Variants in UTS2B observed in about 807,000 individuals in gnomAD.
UTS2B encodes urotensin 2B, also known as urotensin-2B.
In UTS2B, 21 loss-of-function variants were observed where a neutral mutation model predicts 19.2. That is an observed-to-expected ratio of 1.09 (90% CI 0.78 to 1.58). The LOEUF is 1.58. UTS2B is among the 40% of genes most tolerant of loss of function. The pLI is 0.00. For missense variants in UTS2B, 138 were observed against 130.3 expected (o/e 1.06, Z -0.29); for synonymous variants, 57 against 50.2 (o/e 1.14, Z -0.58).
intron 4 of UTS2B, among the ~76,000 whole-genome samples, chr3:191,290,017 T>C (rs1201889161): frequency 6.6e-6 from 1 of 152,228 alleles, no homozygotes; most frequent in African/African-American, 2.4e-5. Flanking sequence ...TAACATAATG[T>C]ATACATATTT....
upstream of UTS2B, among the ~76,000 whole-genome samples, chr3:191,332,655 T>C (rs975269324): frequency 6.6e-6 from 1 of 152,256 alleles, no homozygotes; most frequent in Non-Finnish European, 1.5e-5. Flanking sequence ...TGAAAGTTTC[T>C]TGGAGTTCAG....
At chr3:191,309,763 C>A (rs904958133) in intron 3 of UTS2B, among the ~76,000 whole-genome samples, 10 of 152,112 alleles carry the variant, frequency 6.6e-5, no homozygotes, top group Admixed American at 4.6e-4. Flanking sequence ...CTTGCTCTCT[C>A]TTCCTCCTGC....
intron 4 of UTS2B, among the ~76,000 whole-genome samples, chr3:191,289,162 C>CAAA (rs1716637152): frequency 6.6e-6 from 1 of 152,130 alleles, no homozygotes; most frequent in African/African-American, 2.4e-5. Flanking sequence ...GTAATCCCAG[C>CAAA]ACTTTGGGAG....
intron 2 of UTS2B, among the ~76,000 whole-genome samples, chr3:191,319,898 T>C: frequency 6.6e-6 from 1 of 151,402 alleles, no homozygotes; most frequent in South Asian, 2.1e-4. Flanking sequence ...TTTTTTTTTT[T>C]TAAAAACCTT....
chr3:191,284,140 CAT>C (rs1453341961), intron 4 of UTS2B, among the ~76,000 whole-genome samples: 1 of 151,980 alleles, frequency 6.6e-6, no homozygotes, highest in Non-Finnish European at 1.5e-5. Context: ...GTATTAAAGA[CAT>C]ATGCAGCTTT....
chr3:191,298,687 C>A (rs111599898), intron 4 of UTS2B, among the ~76,000 whole-genome samples: 1 of 151,994 alleles, frequency 6.6e-6, no homozygotes, highest in Non-Finnish European at 1.5e-5. Flanking sequence ...TATAAAGATA[C>A]CTGAAAATGT....
the UTS2B span, among the ~76,000 whole-genome samples, chr3:191,339,598 G>A: frequency 2.6e-5 from 4 of 152,162 alleles, no homozygotes; most frequent in East Asian, 1.9e-4. Context: ...TTTAGAACGC[G>A]TTGCAGATGA....
chr3:191,306,970 T>G (rs1560143156), intron 3 of UTS2B, among the ~76,000 whole-genome samples: 1 of 152,192 alleles, frequency 6.6e-6, no homozygotes. Context: ...GCTACAGATT[T>G]TCTCATTAAC....
intron 4 of UTS2B, among the ~76,000 whole-genome samples, chr3:191,299,044 G>A (rs1470156432): frequency 6.6e-6 from 1 of 152,194 alleles, no homozygotes; most frequent in East Asian, 1.9e-4. Context: ...ATGTAGCCAA[G>A]CTGCTTCTAA....
At chr3:191,282,696 T>C (rs1716424814) in intron 4 of UTS2B, among the ~76,000 whole-genome samples, 1 of 152,218 alleles carries the variant, frequency 6.6e-6, no homozygotes, top group South Asian at 2.1e-4. Context: ...GGTGGTAGTC[T>C]TCCTGATAGT....
At chr3:191,338,232 T>A in the UTS2B span, among the ~76,000 whole-genome samples, 1 of 152,240 alleles carries the variant, frequency 6.6e-6, no homozygotes, top group African/African-American at 2.4e-5. Flanking sequence ...AGTATTATAT[T>A]CACTAATTTT....
chr3:191,318,630 C>T (rs1023530240), intron 2 of UTS2B, among the ~76,000 whole-genome samples: 5 of 152,058 alleles, frequency 3.3e-5, no homozygotes, highest in Admixed American at 1.3e-4. Flanking sequence ...CCACCATGTC[C>T]GGCTAATTTT....
At chr3:191,290,553 T>C (rs112256336) in intron 4 of UTS2B, among the ~76,000 whole-genome samples, 1 of 152,328 alleles carries the variant, frequency 6.6e-6, no homozygotes, top group Admixed American at 6.5e-5. Context: ...TTAACCCACA[T>C]GATCTCTTGC....
the UTS2B span, among the ~76,000 whole-genome samples, chr3:191,335,610 G>A: frequency 2.6e-4 from 40 of 151,986 alleles, no homozygotes; most frequent in African/African-American, 9.2e-4. Context: ...TCATCATTTC[G>A]TTAAAAAAGC....
intron 1 of UTS2B, chr3:191,329,739 G>A (rs1363091586): frequency 1.9e-6 from 3 of 1,607,336 alleles, no homozygotes; most frequent in South Asian, 1.1e-5. Flanking sequence ...GGCCCCGGAG[G>A]GAGAGCGCGC....
chr3:191,269,573 C>T (rs1288053592), intron 8 of UTS2B, among the ~76,000 whole-genome samples: 1 of 151,058 alleles, frequency 6.6e-6, no homozygotes, highest in Non-Finnish European at 1.5e-5. Context: ...AGTGGCTATT[C>T]ACAGGCATGA....
chr3:191,344,098 C>T, the UTS2B span, among the ~76,000 whole-genome samples: 1 of 152,168 alleles, frequency 6.6e-6, no homozygotes, highest in Non-Finnish European at 1.5e-5. Context: ...ACTCAAGACC[C>T]TTGGATGTCT....
chr3:191,313,120 A>G lies in UTS2B; in HGVS notation c.-182+2916T>C, dbSNP rs552676916. Among the ~76,000 whole-genome samples the G allele has an allele frequency of 1.5e-3, 221 of 151,078 alleles. 1 individual carries two copies. Among genetic ancestry groups the G allele is most frequent in the African/African-American group, 4.9e-3 (202 of 41,104 alleles). Reference sequence around the variant, plus strand: ...AGCAATTCTCCTGCCTCAGCCTCCCAAGTAGCTGGGATTACAGGCACCTGT... The same window carrying G: ...AGCAATTCTCCTGCCTCAGCCTCCCGAGTAGCTGGGATTACAGGCACCTGT... On this transcript the variant is annotated intron_variant, in intron 3 of 8. Transcript: ENST00000340524.
intron 3 of UTS2B, among the ~76,000 whole-genome samples, chr3:191,312,498 G>A (rs556488755): frequency 6.6e-6 from 1 of 152,222 alleles, no homozygotes; most frequent in South Asian, 2.1e-4. Flanking sequence ...CTGGCCTCAG[G>A]GACCCATCAG....
Sources: gnomAD v4.1 joint callset for allele counts (sites outside exome capture counted in the v4.1 genomes callset) on GRCh38, gnomAD v4.1.1 for gene constraint, MANE v1.5 for transcripts, NCBI Gene and HGNC (gene_info 2026-07-23, HGNC 2026-07-21) for gene names.